AGBL1: variants seen among roughly 807,000 people sequenced by gnomAD.
The protein encoded by AGBL1 is AGBL carboxypeptidase 1, also known as cytosolic carboxypeptidase 4.
Under a neutral mutation model 118.9 loss-of-function variants are expected in AGBL1, and 130 were observed. The ratio of observed to expected loss-of-function variants is 1.09; its 90% CI spans 0.95 to 1.26. The LOEUF is 1.26. AGBL1 is among the 50% of genes most tolerant of loss of function. The pLI, the probability that AGBL1 is intolerant of heterozygous loss-of-function variation, is 0.00. For synonymous variants in AGBL1, 555 were observed against 478.9 expected (o/e 1.16, Z -2.08); for missense variants, 1,584 against 1,298.1 (o/e 1.22, Z -3.38).
chr15:86,847,296 A>C (rs531149376), intron 22 of AGBL1, among the ~76,000 whole-genome samples: 1 of 152,268 alleles, frequency 6.6e-6, no homozygotes, highest in South Asian at 2.1e-4. Flanking sequence ...TTCACTTTTG[A>C]ATAAGGGTCA....
chr15:86,747,772 T>C (rs1381325944), intron 22 of AGBL1, among the ~76,000 whole-genome samples: 1 of 152,200 alleles, frequency 6.6e-6, no homozygotes, highest in Non-Finnish European at 1.5e-5. Flanking sequence ...AATGATGGTT[T>C]CCAGCTTCAT....
chr15:86,614,322 T>G (rs2084694565), intron 21 of AGBL1, among the ~76,000 whole-genome samples: 1 of 152,066 alleles, frequency 6.6e-6, no homozygotes, highest in Non-Finnish European at 1.5e-5. Context: ...CTTTTCTTAA[T>G]TCTTGATAAT....
chr15:86,167,639 C>T (rs2077360377), intron 5 of AGBL1, among the ~76,000 whole-genome samples: 1 of 152,168 alleles, frequency 6.6e-6, no homozygotes, highest in African/African-American at 2.4e-5. Flanking sequence ...GGGAAGAAAA[C>T]ACACTCTGGT....
At chr15:86,557,936 C>CTGAA (rs1463406760) in intron 21 of AGBL1, among the ~76,000 whole-genome samples, 5 of 152,014 alleles carry the variant, frequency 3.3e-5, no homozygotes, top group Non-Finnish European at 7.4e-5. Flanking sequence ...AGATGCCATT[C>CTGAA]TGAAATGGAG....
At chr15:86,611,856 A>G (rs994974152) in intron 21 of AGBL1, among the ~76,000 whole-genome samples, 2 of 152,210 alleles carry the variant, frequency 1.3e-5, no homozygotes, top group African/African-American at 4.8e-5. Context: ...GGGTGAGTCA[A>G]CAGAACCACA....
At chr15:86,134,604 CTTTTTTTTT>C (rs141645590) in intron 1 of AGBL1, among the ~76,000 whole-genome samples, 4 of 84,630 alleles carry the variant, frequency 4.7e-5, no homozygotes, top group Admixed American at 1.4e-4. Context: ...TCAATGGTGC[CTTTTTTTTT>C]TTTTTTTTTT....
intron 22 of AGBL1, among the ~76,000 whole-genome samples, chr15:86,739,780 A>G (rs1157709069): frequency 6.6e-6 from 1 of 152,230 alleles, no homozygotes; most frequent in African/African-American, 2.4e-5. Context: ...GGATGCAAAG[A>G]TAATTTTCAC....
chr15:86,212,874 T>C (rs1308573607), intron 5 of AGBL1, among the ~76,000 whole-genome samples: 2 of 152,210 alleles, frequency 1.3e-5, no homozygotes, highest in Non-Finnish European at 2.9e-5. Context: ...GGTTTCGAAC[T>C]GTTGACCTCA....
chr15:86,406,355 A>G (rs1330673769), intron 18 of AGBL1, among the ~76,000 whole-genome samples: 1 of 152,226 alleles, frequency 6.6e-6, no homozygotes, highest in African/African-American at 2.4e-5. Flanking sequence ...AGTGCTCAAC[A>G]TGCCGTAGTA....
In AGBL1 at chr15:86,663,598, G is replaced by A. The variant is rs189763547; in HGVS notation, c.2995-10675G>A. On this transcript the variant is annotated intron_variant, in intron 21 of 22. Transcript: ENST00000614907. ...GGCAGGCTGTTGTTGCACAATACTG[G>A]GCTTGTGCATGTCTCTGGTGCCATA... is the stretch of plus-strand genomic sequence containing the variant. 3.1e-3 allele frequency among the ~76,000 whole-genome samples: 477 copies of A among 152,108 alleles called. 1 individual carries two copies. Among genetic ancestry groups the A allele is most frequent in the Non-Finnish European group, 4.7e-3 (320 of 68,004 alleles).
At chr15:86,777,412 G>T (rs2078273037) in intron 22 of AGBL1, among the ~76,000 whole-genome samples, 1 of 142,346 alleles carries the variant, frequency 7.0e-6, no homozygotes, top group Admixed American at 7.5e-5. Flanking sequence ...TTATTACAGT[G>T]GCCTCTTCCA....
chr15:86,131,647 T>C (rs1160669912), intron 1 of AGBL1, among the ~76,000 whole-genome samples: 1 of 152,084 alleles, frequency 6.6e-6, no homozygotes, highest in Non-Finnish European at 1.5e-5. Flanking sequence ...AGACACCGAA[T>C]GGTAATAATC....
intron 22 of AGBL1, among the ~76,000 whole-genome samples, chr15:86,714,398 A>G (rs2086606545): frequency 6.6e-6 from 1 of 152,174 alleles, no homozygotes; most frequent in South Asian, 2.1e-4. Flanking sequence ...CATAAGATAA[A>G]CTATCAGTGG....
intron 23 of AGBL1, among the ~76,000 whole-genome samples, chr15:86,921,495 C>T (rs2080481557): frequency 6.6e-6 from 1 of 152,206 alleles, no homozygotes; most frequent in South Asian, 2.1e-4. Flanking sequence ...TTGTTTTGAG[C>T]TACTGTTACC....
At chr15:86,257,078 C>T (rs2142014548) in intron 8 of AGBL1, 60 bp downstream of exon 8, 1 of 1,510,966 alleles carries the variant, frequency 6.6e-7, no homozygotes, top group Non-Finnish European at 9.0e-7. Context: ...ACCATGTTTC[C>T]CAGGAACATG....
intron 19 of AGBL1, among the ~76,000 whole-genome samples, chr15:86,526,649 G>A (rs1403836095): frequency 1.4e-5 from 2 of 144,964 alleles, no homozygotes; most frequent in African/African-American, 5.1e-5. Flanking sequence ...ATACACAGAT[G>A]CACATATACA....
At chr15:86,130,599 G>A (rs2076807006) in intron 1 of AGBL1, among the ~76,000 whole-genome samples, 1 of 152,186 alleles carries the variant, frequency 6.6e-6, no homozygotes, top group Non-Finnish European at 1.5e-5. Context: ...AAACACCTGA[G>A]TAAGAGAGAA....
intron 5 of AGBL1, among the ~76,000 whole-genome samples, chr15:86,181,140 G>A (rs548984116): frequency 1.3e-5 from 2 of 151,978 alleles, no homozygotes; most frequent in African/African-American, 4.8e-5. Flanking sequence ...CTATCATATT[G>A]TTCACACACT....
rs561577805 is a variant in AGBL1 at position 86,400,296 on chromosome 15, C to A, written c.2555+2750C>A. On this transcript the variant is annotated intron_variant, in intron 18 of 22. Transcript: ENST00000614907. ...TGGATAAAATCTAATCCCCCTCATC[C>A]GTGCCTGAATTTTCCCATGTGAAGT... 1.5e-3 allele frequency among the ~76,000 whole-genome samples: 232 copies of A among 152,142 alleles called. 6 individuals are homozygous for A. In the South Asian group the frequency reaches 0.046, roughly 30 times the overall value.
Sources: gnomAD v4.1 joint callset for allele counts (sites outside exome capture counted in the v4.1 genomes callset) on GRCh38, gnomAD v4.1.1 for gene constraint, MANE v1.5 for transcripts, NCBI Gene and HGNC (gene_info 2026-07-23, HGNC 2026-07-21) for gene names.